The following PCNX3 variants were observed in gnomAD, a reference collection of about 807,000 sequenced individuals.
The protein encoded by PCNX3 is pecanex 3, also known as pecanex-like protein 3.
PCNX3 carries 58 observed loss-of-function variants against 207.2 expected under a neutral mutation model. The observed-to-expected ratio is 0.28, with a 90% confidence interval of 0.23 to 0.35. The LOEUF (loss-of-function observed/expected upper bound fraction) is 0.35. Among genes scored for constraint, PCNX3 ranks in the 10% least tolerant of loss-of-function variants. The pLI is 1.00. For missense variants in PCNX3, 2,410 were observed against 2,774.4 expected, an observed-to-expected ratio of 0.87 and a Z score of 2.95; for synonymous variants, 1,337 against 1,183.5, an observed-to-expected ratio of 1.13 and a Z score of -2.66.
At chr11:65,621,204 C>T (rs890908724) in intron 10 of PCNX3, among the ~76,000 whole-genome samples, 2 of 152,194 alleles carry the variant, frequency 1.3e-5, no homozygotes, top group Admixed American at 1.3e-4. Flanking sequence ...GAGTACATTC[C>T]TAACTCTGGA....
intron 29 of PCNX3, 149 bp from the exon 30 acceptor site, chr11:65,634,824 T>TG (rs1855761485): frequency 7.8e-7 from 1 of 1,274,512 alleles, no homozygotes; most frequent in Non-Finnish European, 1.1e-6. Context: ...CAGTGCTCTG[T>TG]GAGAGACATG....
rs1417395191 is a variant in PCNX3, at chr11:65,618,733, C to T, written c.1371C>T (p.Ser457=). The T allele has an allele frequency of 6.2e-7, 1 of 1,612,542 alleles. No homozygotes were observed. The highest frequency in any genetic ancestry group is 1.1e-5 in the South Asian group (1 of 91,058). Residue 457 remains serine (S), a synonymous_variant, in exon 6 of 35, where the codon AGC becomes AGT. Transcript: ENST00000355703. ...CTACTTCCTGCTACTCCCCTGAGAG[C>T]TCCCGGGGTGCAGCAGGGGGACCCC... The part of the protein sequence containing the change: ...SSSTSCYSPE[S]SRGAAGGPRK...
At position 65,635,814 on chromosome 11, in the gene PCNX3, G is replaced by T; in HGVS notation, c.5459+11G>T. The T allele has an allele frequency of 6.3e-7, 1 of 1,598,480 alleles. No individual in the cohort carries two copies. ...GCGCACCTGGGAGAGGTGAGGCCTC[G>T]GGAAGGGGTGACGTGTGGCGCGGGA... On this transcript the variant is annotated intron_variant, in intron 32 of 34. Transcript: ENST00000355703. This position sits in a 1 kb window ranked among gnomAD's most constrained non-coding sequence, Gnocchi z 9.9.
rs1316714697 is a variant in PCNX3 at position 65,636,752 on chromosome 11, C to T, written c.5893-14C>T. ...AAGGCCTGCTCACCCGCCAACCTCT[C>T]CCCCCTCCCCCAGGCGCCTCTAGAC... On this transcript the variant is annotated splice_polypyrimidine_tract_variant and intron_variant, in intron 34 of 34. Transcript: ENST00000355703. The T allele has an allele frequency of 2.6e-6, 4 of 1,520,532 alleles. No individual in the cohort carries two copies. The East Asian group carries it at 7.4e-5, about 28-fold the overall frequency. The allele number at this position is 1,520,532 out of a possible 1,614,324, so 94.2% of individuals were successfully genotyped here.
chr11:65,617,913 A>G (rs766128514), intron 5 of PCNX3, 27 bp from the exon 6 acceptor site: 21 of 1,551,128 alleles, frequency 1.4e-5, no homozygotes, highest in African/African-American at 5.6e-5. Flanking sequence ...CCCTTTTTTC[A>G]TTTTCTGTTT....
Position 65,625,591 on chromosome 11 carries a change from C to T in PCNX3, c.3136-61C>T. ...CTGGGAGGGGCATGTCCAGCTTGGG[C>T]TGCTGGGCAGCTGAGTGTCTCTCCT... On this transcript the variant is annotated intron_variant, in intron 18 of 34. Transcript: ENST00000355703. This position sits in a 1 kb window ranked among gnomAD's most constrained non-coding sequence, Gnocchi z 5.6. The T allele has an allele frequency of 6.3e-7, 1 of 1,591,514 alleles. No individual in the cohort carries two copies. The highest frequency in any genetic ancestry group is 8.6e-7 in the Non-Finnish European group (1 of 1,168,260).
chr11:65,620,824 C>T lies in PCNX3; in HGVS notation c.2100-7C>T. 1 of 1,594,856 alleles carries T rather than the reference C, an allele frequency of 6.3e-7. No homozygotes were observed. Among genetic ancestry groups the T allele is most frequent in the East Asian group, 2.3e-5 (1 of 43,540 alleles). ...TGGGGGGATCCTGATGGCTGCTGTT[C>T]TCACAGGGACCGACACTCGCATTCC... On this transcript the variant is annotated splice_region_variant and splice_polypyrimidine_tract_variant and intron_variant, in intron 9 of 34. Transcript: ENST00000355703.
rs755779706 is a variant in PCNX3 at position 65,618,800 on chromosome 11, G to C, written c.1438G>C (p.Val480Leu). The part of the protein sequence containing the change: ...APHGAEEGTA[V>L]PPKRPYGTQR... Reference sequence around the variant, plus strand: ...CCATGGGGCTGAGGAGGGAACTGCTGTGCCCCCCAAGCGGCCATATGGGAC... The same window carrying C: ...CCATGGGGCTGAGGAGGGAACTGCTCTGCCCCCCAAGCGGCCATATGGGAC... The change falls in exon 6 of 35, where the codon GTG becomes CTG. Residue 480 changes from valine (V) to leucine (L), a missense_variant. Physicochemically the swap from Val to Leu is conservative, Grantham distance 32. Transcript: ENST00000355703. 1 of 1,611,406 alleles carries C rather than the reference G, an allele frequency of 6.2e-7. No individual in the cohort carries two copies. Among genetic ancestry groups the C allele is most frequent in the African/African-American group, 1.3e-5 (1 of 74,916 alleles).
Position 65,618,476 on chromosome 11 carries a change from C to T in PCNX3, c.1114C>T (p.Pro372Ser), listed in dbSNP as rs1279237614. Residue 372 changes from proline (P) to serine (S), a missense_variant, in exon 6 of 35, where the codon CCG (proline) becomes TCG (serine). By Grantham distance (74) the Pro-to-Ser change is moderately conservative. This residue lies in a region of PCNX3 where 1,104 missense variants were observed against 970.3 expected (regional missense o/e 1.14). Transcript: ENST00000355703. ...CACGGTCATTGGAGCAGGGACGCCA[C>T]CGGGCCTGGCTGAGCCGCTCCTGGT... ...FDTVIGAGTP[P>S]GLAEPLLVVR... 3 of 1,608,624 alleles carry T rather than the reference C, an allele frequency of 1.9e-6. No homozygotes were observed. Among genetic ancestry groups the T allele is most frequent in the South Asian group, 1.1e-5 (1 of 90,610 alleles).
At chr11:65,616,662 A>C (rs1854746742) in intron 1 of PCNX3, among the ~76,000 whole-genome samples, 162 bp from the exon 2 acceptor site, 2 of 152,184 alleles carry the variant, frequency 1.3e-5, no homozygotes, top group Admixed American at 1.3e-4. Context: ...CATCCAGCTA[A>C]GCAGAATACA....
In PCNX3 at chr11:65,625,555, T is replaced by C. The variant is rs1855344789; in HGVS notation, c.3135+45T>C. The C allele has an allele frequency of 1.3e-6, 2 of 1,568,004 alleles. No homozygotes were observed. Among genetic ancestry groups the C allele is most frequent in the Non-Finnish European group, 1.7e-6 (2 of 1,157,040 alleles). ...GGGTCTGTGGGGAGGTGGTGACAGG[T>C]CCTGGGGTTCCTGGGAGGGGCATGT... On this transcript the variant is annotated intron_variant, in intron 18 of 34. Transcript: ENST00000355703. This position sits in a 1 kb window ranked among gnomAD's most constrained non-coding sequence, Gnocchi z 5.6.
chr11:65,624,098 T>G, intron 13 of PCNX3, 97 bp from the exon 14 acceptor site: 6 of 1,567,642 alleles, frequency 3.8e-6, no homozygotes, highest in Non-Finnish European at 5.2e-6. Flanking sequence ...GCTCTCCAGC[T>G]TGGACCCAGG....
At position 65,636,994 on chromosome 11, in the gene PCNX3, C is replaced by T; in HGVS notation, c.*16C>T. The T allele has an allele frequency of 6.4e-7, 1 of 1,559,076 alleles. No homozygotes were observed. ...CCAGTACTGAGCTACCTGGCGCCCA[C>T]TGGACCACCTCCTAGGATTCAGTAA... On this transcript the variant is annotated 3_prime_UTR_variant, in exon 35 of 35. Coordinates refer to ENST00000355703, the MANE Select transcript of PCNX3 (RefSeq NM_032223.4).
At position 65,626,279 on chromosome 11, in the gene PCNX3, C is replaced by T. The variant is rs1482028308; in HGVS notation, c.3379+225C>T. On this transcript the variant is annotated intron_variant, in intron 20 of 34. Coordinates refer to ENST00000355703, the MANE Select transcript of PCNX3 (RefSeq NM_032223.4). Reference sequence around the variant, plus strand: ...GTGCCCTTCCCTTGCCTGTGTTGCCCTGGTCCTGCCCTCCTTCCTGTCTGT... The same window carrying T: ...GTGCCCTTCCCTTGCCTGTGTTGCCTTGGTCCTGCCCTCCTTCCTGTCTGT... 5 of 701,140 alleles carry T rather than the reference C, an allele frequency of 7.1e-6. No homozygotes were observed. In the Admixed American group the frequency reaches 1.0e-4, roughly 14 times the overall value. 43.4% of individuals were successfully genotyped at this position (701,140 alleles called of 1,614,324 possible).
chr11:65,627,450 C>T lies in PCNX3; in HGVS notation c.3570C>T (p.Arg1190=). 1 of 1,613,166 alleles carries T rather than the reference C, an allele frequency of 6.2e-7. No homozygotes were observed. Among genetic ancestry groups the T allele is most frequent in the Non-Finnish European group, 8.5e-7 (1 of 1,179,876 alleles). The part of the protein sequence containing the change: ...LMTVAGLKLL[R]SAFCCPPQQY... ...CCGTGGCTGGGCTGAAGCTGCTGCG[C>T]TCAGCCTTCTGCTGCCCCCCACAGC... The change falls in exon 22 of 35, where the codon CGC becomes CGT. Residue 1190 remains arginine (R), a synonymous_variant. Transcript: ENST00000355703.
rs571087592 is a variant in PCNX3 at position 65,617,159 on chromosome 11, C to T, written c.342-91C>T. On this transcript the variant is annotated intron_variant, in intron 2 of 34. Coordinates refer to ENST00000355703, the MANE Select transcript of PCNX3 (RefSeq NM_032223.4). ...TGTTAGCCCTGGAATTGTAAAGTGA[C>T]TTCTGAAAAAGAAGCAGTGACAAAG... 146 of 1,421,610 alleles carry T rather than the reference C, an allele frequency of 1.0e-4. No homozygotes were observed. The East Asian group carries it at 3.4e-3, about 33-fold the overall frequency. The allele number at this position is 1,421,610 out of a possible 1,614,324, so 88.1% of individuals were successfully genotyped here. A position where few individuals can be genotyped will look rare whatever the true frequency, so the allele number is the denominator to read the frequency against.
intron 10 of PCNX3, 47 bp downstream of exon 10, chr11:65,621,013 C>G (rs539944733): frequency 6.7e-7 from 1 of 1,488,734 alleles, no homozygotes; most frequent in East Asian, 2.5e-5. Context: ...CGTGACGGGG[C>G]GGGCAGATCA....
Position 65,636,397 on chromosome 11 carries a change from G to T in PCNX3, c.5600G>T (p.Gly1867Val). 1 of 1,562,072 alleles carries T rather than the reference G, an allele frequency of 6.4e-7. No homozygotes were observed. The highest frequency in any genetic ancestry group is 8.7e-7 in the Non-Finnish European group (1 of 1,154,042). The part of the protein sequence containing the change: ...HPTPENTAGN[G>V]DQPLPPGPGW... Reference sequence around the variant, plus strand: ...TCTTATCTGTCTCCTACAGGCAATGGTGACCAACCCCTCCCACCAGGCCCT... The same window carrying T: ...TCTTATCTGTCTCCTACAGGCAATGTTGACCAACCCCTCCCACCAGGCCCT... Residue 1867 changes from glycine to valine, a missense_variant, in exon 34 of 35, where the codon GGT becomes GTT. Around this residue, in one of 8 missense-constraint regions of PCNX3, gnomAD observed 278 missense variants for 245.1 expected, o/e 1.13. Coordinates refer to ENST00000355703, the MANE Select transcript of PCNX3 (RefSeq NM_032223.4).
At chr11:65,619,192 C>T (rs554841900) in intron 6 of PCNX3, 125 bp downstream of exon 6, 28 of 859,880 alleles carry the variant, frequency 3.3e-5, no homozygotes, top group East Asian at 2.9e-4. Flanking sequence ...AGCAGATGGA[C>T]GTGGGCCTGG....
Sources: allele counts gnomAD v4.1 joint callset (sites outside exome capture counted in the v4.1 genomes callset), GRCh38; gene constraint gnomAD v4.1.1; regional missense constraint gnomAD v4.1.1; non-coding constraint Gnocchi (gnomAD v3.1); transcripts MANE v1.5; gene names NCBI Gene and HGNC (gene_info 2026-07-23, HGNC 2026-07-21).